UBE2R2: variants seen among roughly 807,000 people sequenced by gnomAD.
UBE2R2 encodes ubiquitin conjugating enzyme E2 R2.
A neutral mutation model predicts 27.8 loss-of-function variants in UBE2R2; 1 was observed. The ratio of observed to expected loss-of-function variants is 0.04; its 90% CI spans 0.01 to 0.17. The LOEUF (loss-of-function observed/expected upper bound fraction) is 0.17, where lower values mean the gene tolerates loss of function less well. Among genes scored for constraint, UBE2R2 ranks in the 10% least tolerant of loss-of-function variants. UBE2R2 has a pLI of 1.00. For synonymous variants in UBE2R2, 106 were observed against 113.3 expected, an observed-to-expected ratio of 0.94 and a Z score of 0.41; for missense variants, 100 against 291.0, an observed-to-expected ratio of 0.34 and a Z score of 4.78.
intron 1 of UBE2R2, among the ~76,000 whole-genome samples, chr9:33,852,734 T>G (rs1272173485): frequency 6.6e-6 from 1 of 151,872 alleles, no homozygotes; most frequent in Non-Finnish European, 1.5e-5. Context: ...TATTAACAAG[T>G]ATGGGGCCGG....
At chr9:33,887,878 T>C (rs1301942248) in intron 2 of UBE2R2, among the ~76,000 whole-genome samples, 3 of 152,236 alleles carry the variant, frequency 2.0e-5, no homozygotes, top group African/African-American at 7.2e-5. Flanking sequence ...GGTTTCACCA[T>C]GTTGGCCAGG....
At chr9:33,887,833 T>A (rs1369628988) in intron 2 of UBE2R2, among the ~76,000 whole-genome samples, 1 of 152,162 alleles carries the variant, frequency 6.6e-6, no homozygotes. Context: ...TGCGCCACCA[T>A]GCCCAGCTAA....
chr9:33,874,199 C>A (rs1821554465), intron 1 of UBE2R2, among the ~76,000 whole-genome samples: 3 of 151,888 alleles, frequency 2.0e-5, no homozygotes, highest in Admixed American at 2.0e-4. Flanking sequence ...CTGCCTGCCT[C>A]GGGCTCCCAA....
Position 33,821,163 on chromosome 9 carries a change from A to G in UBE2R2, c.177+3229A>G, listed in dbSNP as rs73487024. On this transcript the variant is annotated intron_variant, in intron 1 of 4. Transcript: ENST00000263228. ...AACAAGTTCACCCCCTTTCTTTTGA[A>G]AGGAACTTTTTCAGGGTCTTTCTCT... Among the ~76,000 whole-genome samples, 530 of 152,256 alleles carry G rather than the reference A, an allele frequency of 3.5e-3. 7 individuals are homozygous for G. The highest frequency in any genetic ancestry group is 0.012 in the African/African-American group (498 of 41,534).
intron 2 of UBE2R2, among the ~76,000 whole-genome samples, chr9:33,897,560 T>C (rs554344883): frequency 4.6e-4 from 69 of 150,610 alleles, no homozygotes; most frequent in African/African-American, 1.6e-3. Context: ...TCAAGTGATC[T>C]GCCTGCCTCG....
intron 1 of UBE2R2, among the ~76,000 whole-genome samples, chr9:33,844,318 C>T (rs1007219751): frequency 3.9e-5 from 6 of 152,120 alleles, no homozygotes; most frequent in African/African-American, 1.2e-4. Context: ...GATTCTTCTG[C>T]CTCAGCCTCC....
intron 4 of UBE2R2, among the ~76,000 whole-genome samples, chr9:33,914,169 C>T (rs891028206): frequency 6.6e-6 from 1 of 152,126 alleles, no homozygotes. Context: ...ACTTTATTAG[C>T]ATTTGAAAAC....
chr9:33,853,290 T>C (rs1036487922), intron 1 of UBE2R2, among the ~76,000 whole-genome samples: 29 of 145,232 alleles, frequency 2.0e-4, no homozygotes, highest in East Asian at 1.4e-3. Context: ...TTCTCTCTCT[T>C]TTTTTTTTTT....
intron 4 of UBE2R2, among the ~76,000 whole-genome samples, chr9:33,916,783 C>G (rs1822655517): frequency 6.6e-6 from 1 of 152,190 alleles, no homozygotes; most frequent in South Asian, 2.1e-4. Flanking sequence ...CTGCTTTAAA[C>G]TCCCTTGATA....
chr9:33,825,244 CT>C (rs71506138), intron 1 of UBE2R2, among the ~76,000 whole-genome samples: 158 of 119,614 alleles, frequency 1.3e-3, no homozygotes, highest in East Asian at 8.4e-3. Context: ...AAAAGCAAAG[CT>C]TTTTTTTTTT....
chr9:33,898,195 C>T (rs1272578161), intron 2 of UBE2R2, among the ~76,000 whole-genome samples: 2 of 152,138 alleles, frequency 1.3e-5, no homozygotes, highest in Non-Finnish European at 2.9e-5. Context: ...AAGGGATTCT[C>T]CTGCCTCAGC....
chr9:33,881,355 T>C (rs1390640322), intron 1 of UBE2R2, among the ~76,000 whole-genome samples: 3 of 152,196 alleles, frequency 2.0e-5, no homozygotes, highest in Admixed American at 2.0e-4. Context: ...AAGTATATAG[T>C]TCAGTGGTTT....
chr9:33,844,152 C>T (rs1469900509), intron 1 of UBE2R2, among the ~76,000 whole-genome samples: 1 of 152,192 alleles, frequency 6.6e-6, no homozygotes, highest in Non-Finnish European at 1.5e-5. Flanking sequence ...TTTATATTTT[C>T]ATAAGTTTTA....
intron 1 of UBE2R2, among the ~76,000 whole-genome samples, chr9:33,858,542 G>A (rs1158836592): frequency 6.6e-6 from 1 of 151,976 alleles, no homozygotes; most frequent in Non-Finnish European, 1.5e-5. Flanking sequence ...AACCCACTAA[G>A]TAGCTGGGAT....
intron 1 of UBE2R2, among the ~76,000 whole-genome samples, chr9:33,877,180 ATTTTT>A (rs34711764): frequency 8.7e-6 from 1 of 114,836 alleles, no homozygotes. Flanking sequence ...TTATGATTGA[ATTTTT>A]TTTTTTTTTT....
At chr9:33,859,017 G>C (rs901897786) in intron 1 of UBE2R2, among the ~76,000 whole-genome samples, 1 of 151,832 alleles carries the variant, frequency 6.6e-6, no homozygotes, top group African/African-American at 2.4e-5. Context: ...GTAGAGACAG[G>C]GTTTCACCAT....
chr9:33,855,987 G>C (rs1821092241), intron 1 of UBE2R2, among the ~76,000 whole-genome samples: 1 of 152,186 alleles, frequency 6.6e-6, no homozygotes, highest in Non-Finnish European at 1.5e-5. Context: ...GAGCCTGGGA[G>C]GTTGAAGCTG....
intron 3 of UBE2R2, among the ~76,000 whole-genome samples, chr9:33,902,622 A>G (rs2130811842): frequency 6.6e-6 from 1 of 152,336 alleles, no homozygotes; most frequent in East Asian, 1.9e-4. Context: ...CAGTTCAAGT[A>G]GTACATAATT....
intron 3 of UBE2R2, among the ~76,000 whole-genome samples, chr9:33,909,158 A>C (rs1822430574): frequency 6.6e-6 from 1 of 152,140 alleles, no homozygotes; most frequent in Non-Finnish European, 1.5e-5. Flanking sequence ...CGTCATTGAA[A>C]GTTATTAGTA....
Sources: gnomAD v4.1 joint callset for allele counts (sites outside exome capture counted in the v4.1 genomes callset) on GRCh38, gnomAD v4.1.1 for gene constraint, MANE v1.5 for transcripts, NCBI Gene and HGNC (gene_info 2026-07-23, HGNC 2026-07-21) for gene names.